Variants in SLC9A7 observed in about 807,000 individuals in gnomAD.
The protein encoded by SLC9A7 is solute carrier family 9 member A7, also known as sodium/hydrogen exchanger 7.
In SLC9A7, 19 loss-of-function variants were observed where a neutral mutation model predicts 52.6. That is an observed-to-expected ratio of 0.36 (90% CI 0.25 to 0.53). The LOEUF (loss-of-function observed/expected upper bound fraction) is 0.53, where lower values mean the gene tolerates loss of function less well. Ranked by LOEUF, SLC9A7 falls within the 20% of genes least tolerant of loss-of-function variation. The pLI is 0.91. For synonymous variants in SLC9A7, 226 were observed against 252.1 expected, an observed-to-expected ratio of 0.90 and a Z score of 0.98; for missense variants, 455 against 597.9, an observed-to-expected ratio of 0.76 and a Z score of 2.49.
intron 7 of SLC9A7, among the ~76,000 whole-genome samples, chrX:46,660,443 A>C (rs1383410938): frequency 9.1e-6 from 1 of 109,674 alleles, no homozygotes; most frequent in Non-Finnish European, 1.9e-5. Context: ...AACCTACAAA[A>C]TGGGAGAAAA....
At chrX:46,725,789 G>T in intron 1 of SLC9A7, 1 of 806,964 alleles carries the variant, frequency 1.2e-6, no homozygotes, top group Non-Finnish European at 1.9e-6. Flanking sequence ...GTGGAGCCTT[G>T]GGTTTCACTT....
intron 3 of SLC9A7, among the ~76,000 whole-genome samples, chrX:46,673,113 A>G (rs1411832245): frequency 8.9e-6 from 1 of 111,746 alleles, no homozygotes; most frequent in Non-Finnish European, 1.9e-5. Context: ...AGAGTCCTAA[A>G]TATCTGCTCA....
chrX:46,626,418 G>A (rs891538978), intron 14 of SLC9A7, among the ~76,000 whole-genome samples: 8 of 112,014 alleles, frequency 7.1e-5, no homozygotes, highest in Admixed American at 2.8e-4. Context: ...GGGATTACAG[G>A]TGCCTGCCAC....
At chrX:46,629,978 G>C (rs1181381480) in intron 14 of SLC9A7, among the ~76,000 whole-genome samples, 1 of 111,743 alleles carries the variant, frequency 8.9e-6, no homozygotes, top group African/African-American at 3.3e-5. Flanking sequence ...TGACATAATG[G>C]CCAATTCTAA....
At chrX:46,686,433 C>T (rs780406858) in intron 1 of SLC9A7, among the ~76,000 whole-genome samples, 1 of 111,672 alleles carries the variant, frequency 9.0e-6, no homozygotes, top group African/African-American at 3.3e-5. Flanking sequence ...TCATATTTGG[C>T]GTTTTCCAGT....
intron 7 of SLC9A7, among the ~76,000 whole-genome samples, chrX:46,656,391 A>G (rs1319256584): frequency 7.9e-5 from 9 of 113,465 alleles, no homozygotes; most frequent in Non-Finnish European, 1.1e-4. Context: ...TGATGAGCTG[A>G]GAGAAGAAGG....
intron 12 of SLC9A7, among the ~76,000 whole-genome samples, chrX:46,637,111 C>T (rs1166407131): frequency 4.5e-5 from 5 of 112,112 alleles, no homozygotes; most frequent in Non-Finnish European, 9.4e-5. Flanking sequence ...GCTTATGTGT[C>T]AGATGATACA....
chrX:46,751,961 C>T (rs1415387824), intron 1 of SLC9A7, among the ~76,000 whole-genome samples: 4 of 111,936 alleles, frequency 3.6e-5, no homozygotes, highest in African/African-American at 1.3e-4. Context: ...GTACAATCTT[C>T]CAGGCAGGGA....
rs1462622732 is a variant in SLC9A7, at chrX:46,672,604, T to G, written c.627A>C (p.Gly209=). 5 of 1,201,984 alleles carry G rather than the reference T, an allele frequency of 4.2e-6. No individual in the cohort carries two copies. The African/African-American group carries it at 5.3e-5, about 13-fold the overall frequency. ...LKKRHFFRNL[G]SILAYAFLGT... ...CCAAGAAGGCATAGGCCAGTATAGA[T>G]CCAAGATTTCTGAAAAAGTGTCTCT... The change falls in exon 4 of 17, where the codon GGA becomes GGC. Residue 209 remains glycine, a synonymous_variant. Coordinates refer to ENST00000616978, the MANE Select transcript of SLC9A7 (RefSeq NM_001257291.2).
chrX:46,731,023 CAG>C (rs1185575335), intron 1 of SLC9A7, among the ~76,000 whole-genome samples: 4 of 108,607 alleles, frequency 3.7e-5, no homozygotes, highest in African/African-American at 6.7e-5. Context: ...CAGGAAGACT[CAG>C]GGGGAAAAAA....
chrX:46,750,746 T>C (rs546280551), intron 1 of SLC9A7, among the ~76,000 whole-genome samples: 1 of 112,401 alleles, frequency 8.9e-6, no homozygotes, highest in Admixed American at 9.4e-5. Flanking sequence ...CAATAAACAG[T>C]TACTATTTTT....
chrX:46,663,758 G>A (rs943254422), intron 5 of SLC9A7, among the ~76,000 whole-genome samples: 1 of 110,160 alleles, frequency 9.1e-6, no homozygotes, highest in Non-Finnish European at 1.9e-5. Flanking sequence ...TTGGGAGTTC[G>A]AGACCAGCCA....
intron 1 of SLC9A7, among the ~76,000 whole-genome samples, chrX:46,693,369 G>A (rs977117135): frequency 2.7e-5 from 3 of 111,473 alleles, no homozygotes; most frequent in African/African-American, 9.8e-5. Context: ...GTGTGGTAGT[G>A]GTATAAGGAT....
intron 3 of SLC9A7, among the ~76,000 whole-genome samples, chrX:46,678,093 A>G (rs1000794893): frequency 4.5e-5 from 5 of 111,864 alleles, no homozygotes; most frequent in African/African-American, 1.6e-4. Context: ...AAGGGTCTGT[A>G]GTAAAGTCCC....
intron 3 of SLC9A7, among the ~76,000 whole-genome samples, chrX:46,673,227 AT>A (rs1457034620): frequency 1.8e-5 from 2 of 111,776 alleles, no homozygotes; most frequent in Non-Finnish European, 3.8e-5. Flanking sequence ...AGATAGTTCC[AT>A]TTAAGATGGC....
At chrX:46,612,849 C>T (rs1292345865) in intron 16 of SLC9A7, among the ~76,000 whole-genome samples, 3 of 96,659 alleles carry the variant, frequency 3.1e-5, no homozygotes, top group Admixed American at 2.5e-4. Flanking sequence ...TGCTTGAACC[C>T]GGGAGGCATA....
intron 1 of SLC9A7, among the ~76,000 whole-genome samples, chrX:46,739,923 A>G (rs1921212632): frequency 9.0e-6 from 1 of 111,692 alleles, no homozygotes; most frequent in Non-Finnish European, 1.9e-5. Context: ...ACCACTGGGG[A>G]GAATCATTCT....
intron 16 of SLC9A7, among the ~76,000 whole-genome samples, chrX:46,611,330 G>A (rs911033641): frequency 3.6e-5 from 4 of 112,336 alleles, no homozygotes; most frequent in Non-Finnish European, 5.6e-5. Context: ...AAAACTTACC[G>A]CAAGCATTAG....
chrX:46,631,571 T>C lies in SLC9A7; in HGVS notation c.1740+15A>G, dbSNP rs774475869. 21 of 1,197,896 alleles carry C rather than the reference T, an allele frequency of 1.8e-5. No homozygotes were observed. The highest frequency in any genetic ancestry group is 2.3e-4 in the Middle Eastern group (1 of 4,358). On this transcript the variant is annotated intron_variant, in intron 14 of 16. Transcript: ENST00000616978. ...CAAATGTCTTCCCCAGGAAGAAGCA[T>C]CTCTTGTGACTTACCCCTTGTAAGA... is the stretch of plus-strand genomic sequence containing the variant.
Sources: gnomAD v4.1 joint callset for allele counts (sites outside exome capture counted in the v4.1 genomes callset) on GRCh38, gnomAD v4.1.1 for gene constraint, MANE v1.5 for transcripts, NCBI Gene and HGNC (gene_info 2026-07-23, HGNC 2026-07-21) for gene names.